The following PCDH15 variants were observed in gnomAD, a reference collection of about 807,000 sequenced individuals.
PCDH15 encodes protocadherin related 15.
In PCDH15, 129 loss-of-function variants were observed where a neutral mutation model predicts 178.5. The ratio of observed to expected loss-of-function variants is 0.72; its 90% CI spans 0.63 to 0.84. PCDH15 has a LOEUF of 0.84. Among genes scored for constraint, PCDH15 ranks in the 40% least tolerant of loss-of-function variants. The pLI is 0.00. For missense variants in PCDH15, 2,230 were observed against 2,099.9 expected (o/e 1.06, Z -1.21); for synonymous variants, 800 against 732.0 (o/e 1.09, Z -1.50).
intron 13 of PCDH15, among the ~76,000 whole-genome samples, chr10:54,172,071 G>T (rs1040040133): frequency 1.3e-5 from 2 of 152,062 alleles, no homozygotes; most frequent in Non-Finnish European, 2.9e-5. Flanking sequence ...AGGCCTCTGA[G>T]CTCAAGCCAA....
At chr10:53,985,085 C>G (rs1160509531) in intron 21 of PCDH15, among the ~76,000 whole-genome samples, 4 of 152,156 alleles carry the variant, frequency 2.6e-5, no homozygotes, top group Non-Finnish European at 5.9e-5. Flanking sequence ...TCAGCCAACT[C>G]CTAGCTGCCT....
At chr10:54,239,476 A>G (rs2891508) in intron 8 of PCDH15, among the ~76,000 whole-genome samples, 87,269 of 150,820 alleles carry the variant, frequency 0.58, 27,798 homozygotes, top group Middle Eastern at 0.73. Flanking sequence ...TGTAGTATTT[A>G]GAATTATATT....
chr10:54,476,242 C>T (rs1366161839), intron 3 of PCDH15, among the ~76,000 whole-genome samples: 1 of 151,704 alleles, frequency 6.6e-6, no homozygotes, highest in Non-Finnish European at 1.5e-5. Context: ...AGTCTGAATC[C>T]ACAAGGCATA....
intron 2 of PCDH15, among the ~76,000 whole-genome samples, chr10:54,909,888 G>A (rs561076964): frequency 2.6e-5 from 4 of 152,166 alleles, no homozygotes; most frequent in Admixed American, 6.5e-5. Context: ...GGCCCCTCAC[G>A]ATGGCTCCCA....
chr10:54,492,240 A>C (rs906087899), intron 3 of PCDH15, among the ~76,000 whole-genome samples: 20 of 152,158 alleles, frequency 1.3e-4, no homozygotes, highest in Non-Finnish European at 2.6e-4. Context: ...TTTGCACTAA[A>C]GTGAGAGATA....
In PCDH15 at chr10:55,187,825, G is replaced by GA. The variant is rs765474127; in HGVS notation, c.-155-21175dup. 1.1e-3 allele frequency among the ~76,000 whole-genome samples: 160 copies of GA among 151,994 alleles called. 1 individual carries two copies. The highest frequency in any genetic ancestry group is 2.3e-3 in the South Asian group (11 of 4,824). On this transcript the variant is annotated intron_variant, in intron 1 of 5. Transcript: ENST00000458638. ...TATTTACTTTCTGGTCTTCAGAGGAGAAAAAAATATGGTAATTCCAGATGG... is the reference window on the plus strand; with the variant it reads ...TATTTACTTTCTGGTCTTCAGAGGAGAAAAAAAATATGGTAATTCCAGATGG...
chr10:55,232,185 C>G (rs1258325050), intron 1 of PCDH15, among the ~76,000 whole-genome samples: 1 of 147,440 alleles, frequency 6.8e-6, no homozygotes, highest in Admixed American at 6.9e-5. Context: ...AGATGTTAAA[C>G]TTTTTTTAAT....
chr10:55,344,294 A>T (rs1157118310), intron 2 of PCDH15, among the ~76,000 whole-genome samples: 1 of 152,132 alleles, frequency 6.6e-6, no homozygotes, highest in Non-Finnish European at 1.5e-5. Flanking sequence ...AGCCGTTAGA[A>T]AATTTCCATC....
At chr10:54,767,604 A>C (rs1294696513) in intron 1 of PCDH15, among the ~76,000 whole-genome samples, 2 of 152,138 alleles carry the variant, frequency 1.3e-5, no homozygotes, top group East Asian at 3.9e-4. Context: ...CATCCAGGAG[A>C]TCAAGGTCAA....
chr10:55,061,089 A>G (rs981724746), intron 2 of PCDH15, among the ~76,000 whole-genome samples: 1 of 152,172 alleles, frequency 6.6e-6, no homozygotes, highest in Non-Finnish European at 1.5e-5. Flanking sequence ...CTATATTGAT[A>G]TTAAAATTTT....
At chr10:55,092,234 A>T (rs1234925922) in intron 2 of PCDH15, among the ~76,000 whole-genome samples, 1 of 151,818 alleles carries the variant, frequency 6.6e-6, no homozygotes, top group African/African-American at 2.4e-5. Context: ...CTCTATATAA[A>T]CTCACCCTTT....
chr10:55,204,239 A>C (rs994352828), intron 1 of PCDH15, among the ~76,000 whole-genome samples: 2 of 149,666 alleles, frequency 1.3e-5, no homozygotes, highest in African/African-American at 4.9e-5. Context: ...ATATTCAAGG[A>C]AGACTTTTAA....
At chr10:54,503,519 A>C (rs189869055) in intron 3 of PCDH15, among the ~76,000 whole-genome samples, 2 of 78,370 alleles carry the variant, frequency 2.6e-5, no homozygotes, top group African/African-American at 7.9e-5. Flanking sequence ...TAGAATATTT[A>C]AAAAAAAAAC....
intron 1 of PCDH15, among the ~76,000 whole-genome samples, chr10:54,783,170 A>T (rs979153590): frequency 2.0e-5 from 3 of 151,860 alleles, no homozygotes; most frequent in Non-Finnish European, 4.4e-5. Flanking sequence ...GAAAAAGAAT[A>T]ATAATAATTA....
chr10:54,363,516 G>T (rs1056957582), intron 5 of PCDH15, among the ~76,000 whole-genome samples: 1 of 152,136 alleles, frequency 6.6e-6, no homozygotes, highest in Non-Finnish European at 1.5e-5. Context: ...CAGCATCACT[G>T]TATATTTGTA....
chr10:55,567,314 A>T (rs898044081), intron 2 of PCDH15, among the ~76,000 whole-genome samples: 2 of 151,976 alleles, frequency 1.3e-5, no homozygotes, highest in Non-Finnish European at 2.9e-5. Context: ...GAAGGCCTAA[A>T]ACTATAAACT....
chr10:55,548,270 AAC>A (rs1841935187), intron 2 of PCDH15, among the ~76,000 whole-genome samples: 1 of 150,794 alleles, frequency 6.6e-6, no homozygotes, highest in Non-Finnish European at 1.5e-5. Flanking sequence ...GATCCTAATG[AAC>A]AGTGTTATTT....
intron 2 of PCDH15, among the ~76,000 whole-genome samples, chr10:54,570,686 C>T (rs2089687873): frequency 6.6e-6 from 1 of 151,998 alleles, no homozygotes; most frequent in Admixed American, 6.6e-5. Context: ...TGGAGTCTCT[C>T]TCTGTTGCCA....
chr10:55,546,781 A>G (rs544189265), intron 2 of PCDH15, among the ~76,000 whole-genome samples: 1 of 152,164 alleles, frequency 6.6e-6, no homozygotes, highest in Admixed American at 6.6e-5. Flanking sequence ...TCGAAATAGT[A>G]CTAGTCACTA....
Sources: gnomAD v4.1 joint callset for allele counts (sites outside exome capture counted in the v4.1 genomes callset) on GRCh38, gnomAD v4.1.1 for gene constraint, MANE v1.5 for transcripts, NCBI Gene and HGNC (gene_info 2026-07-23, HGNC 2026-07-21) for gene names.